Variants in DNAJC13 observed in about 807,000 individuals in gnomAD.
The protein encoded by DNAJC13 is dnaJ homolog subfamily C member 13.
Under a neutral mutation model 290.5 loss-of-function variants are expected in DNAJC13, and 75 were observed. The observed-to-expected ratio is 0.26, with a 90% CI of 0.21 to 0.31. DNAJC13 has a LOEUF of 0.31. DNAJC13 is among the 10% of genes least tolerant of loss of function. The pLI is 1.00. For missense variants in DNAJC13, 2,260 were observed against 2,674.5 expected (o/e 0.85, Z 3.42); for synonymous variants, 862 against 892.0 (o/e 0.97, Z 0.60).
intron 20 of DNAJC13, among the ~76,000 whole-genome samples, chr3:132,469,893 T>G (rs1380539992): frequency 2.6e-5 from 4 of 151,074 alleles, no homozygotes; most frequent in Non-Finnish European, 4.4e-5. Context: ...TACTTTTTGT[T>G]TCTATCACAA....
In DNAJC13 at chr3:132,499,307, A is replaced by G. The variant is rs1935338635; in HGVS notation, c.4338A>G (p.Leu1446=). 6.2e-7 allele frequency: 1 copy of G among 1,602,436 alleles called. No homozygotes were observed. Among genetic ancestry groups the G allele is most frequent in the African/African-American group, 1.3e-5 (1 of 74,530 alleles). ...AAGAGCTCAGAAGAGAGAATGGACT[A>G]GAGGTAATACGGAGTGACCTTTGTG... ...NAEELRRENG[L]EVLQEAFSRC... The change falls in exon 37 of 56, where the codon CTA becomes CTG. Residue 1446 remains leucine, a synonymous_variant. Coordinates refer to ENST00000260818, the MANE Select transcript of DNAJC13 (RefSeq NM_015268.4).
Position 132,495,153 on chromosome 3 carries a change from A to G in DNAJC13, c.4007A>G (p.Asn1336Ser), listed in dbSNP as rs1198901795. Residue 1336 changes from asparagine to serine, a missense_variant, in exon 35 of 56, where the codon AAT becomes AGT. Physicochemically the swap from Asn to Ser is conservative, Grantham distance 46. This residue lies in a region of DNAJC13 where 1,494 missense variants were observed against 1,693.7 expected (regional missense o/e 0.88). Coordinates refer to ENST00000260818, the MANE Select transcript of DNAJC13 (RefSeq NM_015268.4). ...GCACAAAAGTACCACCCTGATAAGAATCCAGAAGGGAGGGTATGTACTGCT... is the reference window on the plus strand; with the variant it reads ...GCACAAAAGTACCACCCTGATAAGAGTCCAGAAGGGAGGGTATGTACTGCT... ...RLAQKYHPDK[N>S]PEGRDMFEKV... is the part of the protein sequence containing the mutation. 4 of 1,613,324 alleles carry G rather than the reference A, an allele frequency of 2.5e-6. No individual in the cohort carries two copies. The highest frequency in any genetic ancestry group is 1.3e-5 in the African/African-American group (1 of 75,036).
Position 132,526,220 on chromosome 3 carries a change from G to T in DNAJC13, c.6320G>T (p.Gly2107Val). ...NGMKKRADTV[G>V]LACEAINRMF... The stretch of plus-strand genomic sequence containing the variant: ...ATGAAAAAGCGAGCAGATACTGTTG[G>T]TCTAGCCTGTGAAGCAATTAATCGA... The change falls in exon 53 of 56, where the codon GGT (glycine) becomes GTT (valine). Residue 2107 changes from glycine (G) to valine (V), a missense_variant. By Grantham distance (109) the Gly-to-Val change is moderately radical. Coordinates refer to ENST00000260818, the MANE Select transcript of DNAJC13 (RefSeq NM_015268.4). 1.2e-6 allele frequency: 2 copies of T among 1,614,078 alleles called. No individual in the cohort carries two copies. Among genetic ancestry groups the T allele is most frequent in the South Asian group, 2.2e-5 (2 of 91,082 alleles).
intron 5 of DNAJC13, among the ~76,000 whole-genome samples, chr3:132,448,954 AAAC>A (rs2107662626): frequency 6.6e-6 from 1 of 152,250 alleles, no homozygotes; most frequent in South Asian, 2.1e-4. Flanking sequence ...TCTGTTTGGG[AAAC>A]AACTGCTTTC....
rs200130237 is a variant in DNAJC13, at chr3:132,466,422, T to C, written c.2064+28T>C. 14 of 1,539,146 alleles carry C rather than the reference T, an allele frequency of 9.1e-6. No homozygotes were observed. The African/African-American group carries it at 1.2e-4, about 14-fold the overall frequency. On this transcript the variant is annotated intron_variant, in intron 19 of 55. Transcript: ENST00000260818. ...AAATATGACTGTCCCAAGTGTGCCT[T>C]TTTTAGGAGTAAGGGTACTGTTATA... is the stretch of plus-strand genomic sequence containing the variant.
intron 48 of DNAJC13, among the ~76,000 whole-genome samples, chr3:132,520,111 G>A (rs1414988449): frequency 6.6e-6 from 1 of 152,012 alleles, no homozygotes; most frequent in Non-Finnish European, 1.5e-5. Flanking sequence ...AATTCAAGAT[G>A]ACATTTGGGT....
intron 55 of DNAJC13, among the ~76,000 whole-genome samples, chr3:132,533,414 C>T (rs951510121): frequency 6.6e-6 from 1 of 151,016 alleles, no homozygotes; most frequent in Non-Finnish European, 1.5e-5. Flanking sequence ...CAGCTCACCG[C>T]AACCTTTGCC....
Position 132,507,294 on chromosome 3 carries a change from C to A in DNAJC13, c.5056C>A (p.Leu1686Ile), listed in dbSNP as rs753061442. ...EFVYSDHAKE[L>I]IVGEIFVRVY... is the part of the protein sequence containing the mutation. ...TGTCTACAGTGATCATGCCAAAGAA[C>A]TTATTGTAGGGGAGATTTTTGTTAG... Residue 1686 changes from leucine to isoleucine, a missense_variant, in exon 43 of 56, where the codon CTT (leucine) becomes ATT (isoleucine). Physicochemically the swap from Leu to Ile is conservative, Grantham distance 5. Transcript: ENST00000260818. 1.2e-6 allele frequency: 2 copies of A among 1,613,428 alleles called. No homozygotes were observed. Among genetic ancestry groups the A allele is most frequent in the South Asian group, 2.2e-5 (2 of 91,026 alleles).
chr3:132,457,231 T>C, intron 12 of DNAJC13, 38 bp from the exon 13 acceptor site: 1 of 1,406,576 alleles, frequency 7.1e-7, no homozygotes, highest in Non-Finnish European at 9.9e-7. Context: ...TAAAATGTTC[T>C]GGTATTGCTA....
chr3:132,450,792 A>T lies in DNAJC13; in HGVS notation c.482A>T (p.Asp161Val). 6.2e-7 allele frequency: 1 copy of T among 1,606,804 alleles called. No homozygotes were observed. The highest frequency in any genetic ancestry group is 8.5e-7 in the Non-Finnish European group (1 of 1,174,020). ...YDYRNIEGFV[D>V]LSDYQGGFCI... ...TATAGAAATATTGAAGGATTTGTAG[A>T]TCTCTCAGATTATCAAGGAGGATTT... The change falls in exon 6 of 56, where the codon GAT (aspartate) becomes GTT (valine). Residue 161 changes from aspartate to valine, a missense_variant. Around this residue, in one of 3 missense-constraint regions of DNAJC13, gnomAD observed 762 missense variants for 964.1 expected, o/e 0.79. Coordinates refer to ENST00000260818, the MANE Select transcript of DNAJC13 (RefSeq NM_015268.4).
intron 40 of DNAJC13, 46 bp from the exon 41 acceptor site, chr3:132,503,168 G>A: frequency 1.3e-6 from 2 of 1,589,520 alleles, no homozygotes; most frequent in South Asian, 1.1e-5. Flanking sequence ...TATTACCTAT[G>A]TAAGATAACA....
chr3:132,529,697 G>A (rs933340854), intron 54 of DNAJC13, among the ~76,000 whole-genome samples: 6 of 150,842 alleles, frequency 4.0e-5, no homozygotes, highest in East Asian at 2.0e-4. Flanking sequence ...TGAGGCAGGA[G>A]AATGGCGGGA....
rs1311234979 is a variant in DNAJC13 at position 132,528,351 on chromosome 3, A to G, written c.6525+19A>G. On this transcript the variant is annotated intron_variant, in intron 54 of 55. Transcript: ENST00000260818. ...AGAACAGGTGAGTCTGCATAGAGTCAACTTTTGATATTCTAAAAGCCAGGG... is the reference window on the plus strand; with the variant it reads ...AGAACAGGTGAGTCTGCATAGAGTCGACTTTTGATATTCTAAAAGCCAGGG... The G allele has an allele frequency of 6.2e-7, 1 of 1,612,126 alleles. No individual in the cohort carries two copies. Among genetic ancestry groups the G allele is most frequent in the African/African-American group, 1.3e-5 (1 of 74,886 alleles).
chr3:132,520,047 A>G (rs1447416697), intron 48 of DNAJC13, among the ~76,000 whole-genome samples: 1 of 152,120 alleles, frequency 6.6e-6, no homozygotes, highest in East Asian at 1.9e-4. Flanking sequence ...CACGAGAAAG[A>G]CCTGCCCCTG....
intron 2 of DNAJC13, among the ~76,000 whole-genome samples, chr3:132,443,563 T>C (rs1284093972): frequency 6.6e-6 from 1 of 152,206 alleles, no homozygotes; most frequent in African/African-American, 2.4e-5. Context: ...TAGAAAATCA[T>C]TGAAAGTTTA....
chr3:132,522,141 G>C (rs1239753731), intron 48 of DNAJC13, among the ~76,000 whole-genome samples: 1 of 152,172 alleles, frequency 6.6e-6, no homozygotes, highest in Non-Finnish European at 1.5e-5. Context: ...GAAAGATTGG[G>C]CCTAGAGGGT....
At chr3:132,492,661 C>A in intron 33 of DNAJC13, 46 bp downstream of exon 33, 2 of 1,538,728 alleles carry the variant, frequency 1.3e-6, no homozygotes, top group Non-Finnish European at 1.8e-6. Context: ...ATAAAAATAG[C>A]CTCTAAACAC....
chr3:132,511,187 T>A lies in DNAJC13; in HGVS notation c.5236T>A (p.Leu1746Ile). ...GGAGTCAGAGCAACATGGAGATCGC[T>A]TACCGAGAGTAGAAATGGCTTTGGA... is the stretch of plus-strand genomic sequence containing the variant. ...KVESEQHGDRLPRVEMALEAL... is the reference protein window; with the variant it reads ...KVESEQHGDRIPRVEMALEAL... Residue 1746 changes from leucine (L) to isoleucine (I), a missense_variant, in exon 44 of 56, where the codon TTA (leucine) becomes ATA (isoleucine). By Grantham distance (5) the Leu-to-Ile change is conservative. Coordinates refer to ENST00000260818, the MANE Select transcript of DNAJC13 (RefSeq NM_015268.4). 6.2e-7 allele frequency: 1 copy of A among 1,613,952 alleles called. No individual in the cohort carries two copies. Among genetic ancestry groups the A allele is most frequent in the Non-Finnish European group, 8.5e-7 (1 of 1,179,902 alleles).
At position 132,495,128 on chromosome 3, in the gene DNAJC13, G is replaced by T. The variant is rs1485776102; in HGVS notation, c.3982G>T (p.Ala1328Ser). The T allele has an allele frequency of 6.2e-7, 1 of 1,613,444 alleles. No individual in the cohort carries two copies. The highest frequency in any genetic ancestry group is 1.7e-5 in the Admixed American group (1 of 59,992). ...GATTAGGAAAGCTTACTTCAGACTTGCACAAAAGTACCACCCTGATAAGAA... is the reference window on the plus strand; with the variant it reads ...GATTAGGAAAGCTTACTTCAGACTTTCACAAAAGTACCACCCTGATAAGAA... The part of the protein sequence containing the change: ...SKIRKAYFRL[A>S]QKYHPDKNPE... The change falls in exon 35 of 56, where the codon GCA becomes TCA. Residue 1328 changes from alanine (A) to serine (S), a missense_variant. Physicochemically the swap from Ala to Ser is moderately conservative, Grantham distance 99 (BLOSUM62 1). Coordinates refer to ENST00000260818, the MANE Select transcript of DNAJC13 (RefSeq NM_015268.4).
Sources: allele counts gnomAD v4.1 joint callset (sites outside exome capture counted in the v4.1 genomes callset), GRCh38; gene constraint gnomAD v4.1.1; regional missense constraint gnomAD v4.1.1; transcripts MANE v1.5; gene names NCBI Gene and HGNC (gene_info 2026-07-23, HGNC 2026-07-21).